Variants in COL4A4 observed in about 807,000 individuals in gnomAD.
The protein encoded by COL4A4 is collagen alpha-4(IV) chain.
Under a neutral mutation model 192.9 loss-of-function variants are expected in COL4A4, and 105 were observed. That is an observed-to-expected ratio of 0.54 (90% CI 0.46 to 0.64). The LOEUF is 0.64. COL4A4 is among the 30% of genes least tolerant of loss of function. The probability of loss-of-function intolerance (pLI) is 0.00; values close to 1 mark genes in which losing one functional copy is unlikely to be tolerated. For missense variants in COL4A4, 1,967 were observed against 2,169.3 expected, an observed-to-expected ratio of 0.91 and a Z score of 1.85; for synonymous variants, 762 against 769.9, an observed-to-expected ratio of 0.99 and a Z score of 0.17.
chr2:227,143,108 T>A (rs951194946), intron 3 of COL4A4, among the ~76,000 whole-genome samples: 2 of 152,198 alleles, frequency 1.3e-5, no homozygotes, highest in African/African-American at 4.8e-5. Flanking sequence ...TTTATTTTTA[T>A]CCAAATGGTG....
intron 1 of COL4A4, among the ~76,000 whole-genome samples, chr2:227,148,119 A>G (rs763730692): frequency 3.3e-5 from 5 of 152,174 alleles, no homozygotes; most frequent in African/African-American, 7.2e-5. Flanking sequence ...TTAAACATAG[A>G]GTTACTATAT....
intron 41 of COL4A4, 82 bp downstream of exon 41, chr2:227,030,361 A>G: frequency 6.9e-7 from 1 of 1,443,188 alleles, no homozygotes; most frequent in Non-Finnish European, 9.7e-7. Context: ...TAGGAAATAG[A>G]AATGGCGGCA....
the COL4A4 span, among the ~76,000 whole-genome samples, chr2:226,991,380 C>G: frequency 1.3e-5 from 2 of 152,148 alleles, no homozygotes; most frequent in Non-Finnish European, 2.9e-5. Flanking sequence ...CGGGGTTTCA[C>G]CACGTTGGCC....
chr2:227,031,072 T>TGGATGGATGGAC (rs1553626074), intron 40 of COL4A4, among the ~76,000 whole-genome samples: 2 of 151,674 alleles, frequency 1.3e-5, no homozygotes, highest in Non-Finnish European at 2.9e-5. Context: ...GATGGATGGA[T>TGGATGGATGGAC]AGACTGATGG....
chr2:227,015,563 A>C (rs1964692028), intron 44 of COL4A4, among the ~76,000 whole-genome samples: 1 of 152,030 alleles, frequency 6.6e-6, no homozygotes, highest in Admixed American at 6.6e-5. Flanking sequence ...AGAAATTCCC[A>C]CATTACCCCT....
the COL4A4 span, among the ~76,000 whole-genome samples, chr2:226,971,704 G>A: frequency 6.6e-6 from 1 of 151,920 alleles, no homozygotes; most frequent in Non-Finnish European, 1.5e-5. Context: ...GGTGTTTTTT[G>A]CCTGTTGTTT....
At chr2:227,034,674 T>C (rs927381477) in intron 37 of COL4A4, among the ~76,000 whole-genome samples, 1 of 150,128 alleles carries the variant, frequency 6.7e-6, no homozygotes, top group African/African-American at 2.5e-5. Context: ...CACTAACTCG[T>C]CATCTAGCAT....
chr2:227,104,414 CAAA>C (rs60259710), intron 12 of COL4A4, among the ~76,000 whole-genome samples: 5 of 96,872 alleles, frequency 5.2e-5, no homozygotes, highest in African/African-American at 2.1e-4. Flanking sequence ...ACTAAAAATA[CAAA>C]AAAAAAAAAA....
At chr2:226,997,130 G>A in the COL4A4 span, 5 of 152,212 alleles carry the variant, frequency 3.3e-5, no homozygotes, top group Non-Finnish European at 7.3e-5. Flanking sequence ...AGCCTTGGGA[G>A]CTCTTTGGCC....
chr2:227,046,740 T>G (rs1190584674), intron 35 of COL4A4, among the ~76,000 whole-genome samples: 2 of 152,086 alleles, frequency 1.3e-5, no homozygotes, highest in African/African-American at 4.8e-5. Flanking sequence ...CGGCTTGAAC[T>G]CAAATGGTTT....
intron 1 of COL4A4, among the ~76,000 whole-genome samples, chr2:227,161,950 A>C (rs2064873102): frequency 6.6e-6 from 1 of 151,916 alleles, no homozygotes; most frequent in Non-Finnish European, 1.5e-5. Context: ...AAAAAAAAAG[A>C]ATCAAATTTC....
At chr2:227,109,597 A>C (rs1225024901) in intron 9 of COL4A4, 7 of 436,488 alleles carry the variant, frequency 1.6e-5, no homozygotes, top group African/African-American at 4.1e-5. Flanking sequence ...AAATACAAAA[A>C]TTAGATGGGC....
intron 4 of COL4A4, among the ~76,000 whole-genome samples, chr2:227,139,640 G>A (rs752111116): frequency 1.2e-4 from 19 of 152,326 alleles, no homozygotes; most frequent in Non-Finnish European, 2.6e-4. Context: ...AGGTTCTTAC[G>A]AGAAGTCAAT....
At chr2:227,088,880 A>G (rs2059744705) in intron 21 of COL4A4, 64 bp from the exon 22 acceptor site, 4 of 1,559,478 alleles carry the variant, frequency 2.6e-6, no homozygotes, top group Non-Finnish European at 3.5e-6. Context: ...TAAGGGCTTT[A>G]CTGTACAAAA....
the COL4A4 span, chr2:226,969,153 G>A: frequency 0.45 from 69,807 of 156,092 alleles, 15,808 homozygotes; most frequent in South Asian, 0.52. Flanking sequence ...GGTGGTGGTG[G>A]CAGTAGCATT....
rs550501019 is a variant in COL4A4, at chr2:227,094,369, A to C, written c.1205-80T>G. Reference sequence around the variant, plus strand: ...GTAGAAGAAATCAAGATTGGTACACACTTGCTTAGGTTATCGAATTTTTTA... The same window carrying C: ...GTAGAAGAAATCAAGATTGGTACACCCTTGCTTAGGTTATCGAATTTTTTA... On this transcript the variant is annotated intron_variant, in intron 19 of 47. Coordinates refer to ENST00000396625, the MANE Select transcript of COL4A4 (RefSeq NM_000092.5). The C allele has an allele frequency of 9.0e-6, 13 of 1,447,980 alleles. No homozygotes were observed. The African/African-American group carries it at 1.5e-4, about 17-fold the overall frequency. The allele number at this position is 1,447,980 out of a possible 1,614,324, so 89.7% of individuals were successfully genotyped here. A position where few individuals can be genotyped will look rare whatever the true frequency, so the allele number is the denominator to read the frequency against.
At chr2:227,147,223 A>G (rs757265648) in intron 2 of COL4A4, 190 bp downstream of exon 2, 34 of 711,940 alleles carry the variant, frequency 4.8e-5, no homozygotes, top group Middle Eastern at 2.9e-4. Flanking sequence ...TTGTGGATGC[A>G]TTTCAGGGAA....
intron 25 of COL4A4, among the ~76,000 whole-genome samples, chr2:227,069,766 C>G (rs1423317515): frequency 2.0e-5 from 3 of 151,604 alleles, no homozygotes; most frequent in African/African-American, 7.3e-5. Context: ...CATAAAAACC[C>G]TAGAAGAAAA....
At chr2:227,112,805 G>A (rs1371460288) in intron 8 of COL4A4, among the ~76,000 whole-genome samples, 1 of 152,132 alleles carries the variant, frequency 6.6e-6, no homozygotes, top group African/African-American at 2.4e-5. Flanking sequence ...CTATATAAGT[G>A]AAATCATATG....
Sources: allele counts gnomAD v4.1 joint callset (sites outside exome capture counted in the v4.1 genomes callset), GRCh38; gene constraint gnomAD v4.1.1; transcripts MANE v1.5; gene names NCBI Gene and HGNC (gene_info 2026-07-23, HGNC 2026-07-21).